Variants in WDR62 observed in about 807,000 individuals in gnomAD.
The protein encoded by WDR62 is WD repeat-containing protein 62.
WDR62 carries 112 observed loss-of-function variants against 160.6 expected under a neutral mutation model. The observed-to-expected ratio is 0.70, with a 90% CI of 0.60 to 0.82. The LOEUF (loss-of-function observed/expected upper bound fraction) is 0.82, where lower values mean the gene tolerates loss of function less well. Among genes scored for constraint, WDR62 ranks in the 40% least tolerant of loss-of-function variants. WDR62 has a pLI of 0.00. For synonymous variants in WDR62, 792 were observed against 815.1 expected (o/e 0.97, Z 0.48); for missense variants, 1,819 against 1,983.8 (o/e 0.92, Z 1.58).
rs1349805169 is a variant in WDR62, at chr19:36,099,552, G to A, written c.2674G>A (p.Glu892Lys). The A allele has an allele frequency of 9.9e-6, 16 of 1,614,084 alleles. No homozygotes were observed. Among genetic ancestry groups the A allele is most frequent in the Middle Eastern group, 1.6e-4 (1 of 6,084 alleles). Residue 892 changes from glutamate (E) to lysine (K), a missense_variant, in exon 22 of 32, where the codon GAG becomes AAG. Physicochemically the swap from Glu to Lys is moderately conservative, Grantham distance 56. This residue lies in a region of WDR62 where 934 missense variants were observed against 1,157.2 expected (regional missense o/e 0.81). Coordinates refer to ENST00000401500, the MANE Select transcript of WDR62 (RefSeq NM_001083961.2). ...TTGCTACTTTACCCCCATGAAGCCC[G>A]AGAGTCTGGAGAACTCCATTCTGGA... is the stretch of plus-strand genomic sequence containing the variant. ...LDCYFTPMKP[E>K]SLENSILDSL...
At chr19:36,099,019 T>G (rs968822982) in intron 21 of WDR62, among the ~76,000 whole-genome samples, 5 of 151,940 alleles carry the variant, frequency 3.3e-5, no homozygotes, top group Admixed American at 1.3e-4. Flanking sequence ...GTCAGCAGTT[T>G]GAGACCAGCC....
intron 20 of WDR62, among the ~76,000 whole-genome samples, chr19:36,096,210 C>T (rs1238522987): frequency 6.6e-6 from 1 of 152,198 alleles, no homozygotes; most frequent in Non-Finnish European, 1.5e-5. Context: ...CCCTCCTTAG[C>T]CTGTGGAGTA....
chr19:36,081,257 G>T (rs1337132550), intron 9 of WDR62, among the ~76,000 whole-genome samples, 176 bp from the exon 10 acceptor site: 1 of 152,138 alleles, frequency 6.6e-6, no homozygotes, highest in East Asian at 1.9e-4. Context: ...GGTGGGACAT[G>T]GATGATATAT....
At chr19:36,101,607 C>T in intron 24 of WDR62, 57 bp from the exon 25 acceptor site, 2 of 1,367,426 alleles carry the variant, frequency 1.5e-6, no homozygotes, top group Non-Finnish European at 2.0e-6. Context: ...GTAGCCCTGG[C>T]CCTGGCTCAC....
chr19:36,096,774 T>C (rs1972991086), intron 20 of WDR62, among the ~76,000 whole-genome samples: 3 of 152,068 alleles, frequency 2.0e-5, no homozygotes, highest in African/African-American at 7.2e-5. Context: ...CCACCCTGCA[T>C]TGCATTAGGC....
At chr19:36,074,634 G>T (rs1156387359) in intron 9 of WDR62, among the ~76,000 whole-genome samples, 3 of 152,298 alleles carry the variant, frequency 2.0e-5, no homozygotes, top group Non-Finnish European at 4.4e-5. Flanking sequence ...ATTCAGGATC[G>T]TGAGAAAGAA....
intron 3 of WDR62, among the ~76,000 whole-genome samples, chr19:36,064,049 A>G (rs1159487500): frequency 6.6e-6 from 1 of 152,094 alleles, no homozygotes; most frequent in Non-Finnish European, 1.5e-5. Flanking sequence ...GGTTCATGAG[A>G]GCCCTGACTC....
At chr19:36,070,641 A>G (rs1427253086) in intron 7 of WDR62, 2 of 152,220 alleles carry the variant, frequency 1.3e-5, no homozygotes, top group Non-Finnish European at 2.9e-5. Flanking sequence ...CTTGTGGAAG[A>G]GTTCCAAGTT....
At chr19:36,067,738 G>C in intron 6 of WDR62, 90 bp from the exon 7 acceptor site, 1 of 1,440,040 alleles carries the variant, frequency 6.9e-7, no homozygotes, top group South Asian at 1.1e-5. Context: ...GAGCTTCTTA[G>C]AGTTCTCCTG....
chr19:36,071,363 G>A (rs1465047858), intron 7 of WDR62, among the ~76,000 whole-genome samples, 193 bp from the exon 8 acceptor site: 1 of 152,086 alleles, frequency 6.6e-6, no homozygotes, highest in African/African-American at 2.4e-5. Context: ...CTACCTGCTG[G>A]CACATGTCTT....
chr19:36,100,200 G>A (rs1254503699), intron 22 of WDR62, among the ~76,000 whole-genome samples: 1 of 152,190 alleles, frequency 6.6e-6, no homozygotes, highest in Non-Finnish European at 1.5e-5. Context: ...TATAGGGCCT[G>A]GGCTCTTAGA....
At chr19:36,109,675 A>C (rs1295617835), downstream of WDR62, among the ~76,000 whole-genome samples, 1 of 152,038 alleles carries the variant, frequency 6.6e-6, no homozygotes, top group African/African-American at 2.4e-5. Flanking sequence ...CGGAGGCTGC[A>C]GTGTGTGGAG....
At chr19:36,080,714 C>G (rs1016180108) in intron 9 of WDR62, among the ~76,000 whole-genome samples, 1 of 152,078 alleles carries the variant, frequency 6.6e-6, no homozygotes, top group African/African-American at 2.4e-5. Context: ...CTCAGCCTCC[C>G]AAAGTGCTGA....
intron 24 of WDR62, 119 bp from the exon 25 acceptor site, chr19:36,101,545 C>A: frequency 2.4e-6 from 2 of 842,884 alleles, no homozygotes; most frequent in Non-Finnish European, 2.0e-6. Context: ...AAATGGGGGG[C>A]AGCTGCTCTT....
intron 24 of WDR62, 126 bp from the exon 25 acceptor site, chr19:36,101,538 T>TG: frequency 1.2e-6 from 1 of 827,950 alleles, no homozygotes. Context: ...ATTCATAAAA[T>TG]GGGGGGCAGC....
intron 1 of WDR62, among the ~76,000 whole-genome samples, chr19:36,056,386 A>C (rs1390728176): frequency 2.0e-5 from 3 of 152,126 alleles, no homozygotes; most frequent in African/African-American, 7.2e-5. Flanking sequence ...ACCAAGGTTC[A>C]GTCACACTGG....
At position 36,073,313 on chromosome 19, in the gene WDR62, GTGAT is replaced by G. The variant is rs1201984781; in HGVS notation, c.1044-23_1044-20del. On this transcript the variant is annotated intron_variant, in intron 8 of 31. Transcript: ENST00000401500. ...CTGTCACTACTCAGTGACATTGATG[GTGAT>G]TGATTACCCATGTGGCCTTGTTAGC... 4 of 1,612,318 alleles carry G rather than the reference GTGAT, an allele frequency of 2.5e-6. No individual in the cohort carries two copies. In the Admixed American group the frequency reaches 5.0e-5, roughly 20 times the overall value.
chr19:36,078,157 T>C (rs1351744351), intron 9 of WDR62, among the ~76,000 whole-genome samples: 1 of 150,096 alleles, frequency 6.7e-6, no homozygotes, highest in East Asian at 1.9e-4. Flanking sequence ...TTTTTGTTTT[T>C]TTTTTTTTGA....
intron 9 of WDR62, chr19:36,075,388 A>G (rs1270477339): frequency 1.3e-5 from 2 of 151,918 alleles, no homozygotes; most frequent in Admixed American, 6.6e-5. Context: ...TGTATTCTTC[A>G]TGTTTCTGAA....
Sources: allele counts gnomAD v4.1 joint callset (sites outside exome capture counted in the v4.1 genomes callset), GRCh38; gene constraint gnomAD v4.1.1; regional missense constraint gnomAD v4.1.1; transcripts MANE v1.5; gene names NCBI Gene and HGNC (gene_info 2026-07-23, HGNC 2026-07-21).